WDPCP: variants seen among roughly 807,000 people sequenced by gnomAD.
WDPCP encodes WD repeat containing planar cell polarity effector.
In WDPCP, 71 loss-of-function variants were observed where a neutral mutation model predicts 93.1. The ratio of observed to expected loss-of-function variants is 0.76; its 90% CI spans 0.63 to 0.93. The LOEUF (loss-of-function observed/expected upper bound fraction) is 0.93. Among genes scored for constraint, WDPCP ranks in the 40% least tolerant of loss-of-function variants. The pLI is 0.00. For synonymous variants in WDPCP, 315 were observed against 315.0 expected, an observed-to-expected ratio of 1.00 and a Z score of 0.00; for missense variants, 844 against 887.4, an observed-to-expected ratio of 0.95 and a Z score of 0.62.
intron 15 of WDPCP, among the ~76,000 whole-genome samples, chr2:63,169,727 C>G (rs997030705): frequency 6.6e-6 from 1 of 151,994 alleles, no homozygotes; most frequent in African/African-American, 2.4e-5. Flanking sequence ...TCTCCCATTC[C>G]ATTACTTTTT....
chr2:63,407,158 G>C (rs1694654724), intron 9 of WDPCP, among the ~76,000 whole-genome samples: 1 of 152,140 alleles, frequency 6.6e-6, no homozygotes, highest in South Asian at 2.1e-4. Context: ...CAGAGAGATC[G>C]AGACAGACCT....
the WDPCP span, among the ~76,000 whole-genome samples, chr2:63,836,732 T>C: frequency 1.3e-5 from 2 of 152,136 alleles, no homozygotes; most frequent in South Asian, 2.1e-4. Context: ...AACAACCTCA[T>C]GGGTGTCACC....
At chr2:63,148,764 A>C (rs1318110630) in intron 17 of WDPCP, among the ~76,000 whole-genome samples, 1 of 152,150 alleles carries the variant, frequency 6.6e-6, no homozygotes, top group African/African-American at 2.4e-5. Context: ...TAAGACAGGG[A>C]ATTTACAAGG....
chr2:63,759,180 G>A (rs549993416), intron 2 of WDPCP, among the ~76,000 whole-genome samples: 132 of 152,258 alleles, frequency 8.7e-4, no homozygotes, highest in South Asian at 2.1e-3. Flanking sequence ...TAAGGCATAA[G>A]CTTTAGGACC....
At chr2:63,706,898 G>A (rs1292124836) in intron 2 of WDPCP, among the ~76,000 whole-genome samples, 4 of 152,114 alleles carry the variant, frequency 2.6e-5, no homozygotes, top group African/African-American at 9.7e-5. Flanking sequence ...TTACAGGCAT[G>A]AGCCACCGTG....
chr2:63,268,312 G>A (rs925487842), intron 13 of WDPCP, among the ~76,000 whole-genome samples: 5 of 152,086 alleles, frequency 3.3e-5, no homozygotes, highest in African/African-American at 1.2e-4. Flanking sequence ...GACAGAGGCT[G>A]GAGGTGATAG....
chr2:63,215,148 A>G (rs984470940), intron 14 of WDPCP, among the ~76,000 whole-genome samples: 1 of 152,238 alleles, frequency 6.6e-6, no homozygotes, highest in Non-Finnish European at 1.5e-5. Flanking sequence ...GGAACCAAAA[A>G]AGAGCCCGCA....
intron 17 of WDPCP, among the ~76,000 whole-genome samples, chr2:63,127,912 C>A (rs1268236820): frequency 6.6e-6 from 1 of 151,870 alleles, no homozygotes. Flanking sequence ...GTCAAGGCGG[C>A]TGGATCACTT....
At chr2:63,425,067 T>A (rs1696167708) in intron 9 of WDPCP, among the ~76,000 whole-genome samples, 1 of 152,194 alleles carries the variant, frequency 6.6e-6, no homozygotes, top group Non-Finnish European at 1.5e-5. Context: ...TCTTCCAGTA[T>A]ACATAGCTTG....
intron 2 of WDPCP, among the ~76,000 whole-genome samples, chr2:63,736,968 C>A (rs559105293): frequency 3.3e-5 from 5 of 151,954 alleles, no homozygotes; most frequent in South Asian, 2.1e-4. Flanking sequence ...AAAAAAAAAA[C>A]CATATATTAC....
chr2:63,546,917 T>A (rs910112455), intron 1 of WDPCP, among the ~76,000 whole-genome samples: 16 of 151,340 alleles, frequency 1.1e-4, no homozygotes, highest in South Asian at 6.2e-4. Context: ...ACTATTTTTT[T>A]AAAAAAAAGA....
At chr2:63,610,748 C>T (rs1302018967) in intron 3 of WDPCP, among the ~76,000 whole-genome samples, 1 of 152,112 alleles carries the variant, frequency 6.6e-6, no homozygotes, top group Non-Finnish European at 1.5e-5. Flanking sequence ...TAAATTATAA[C>T]ACACTGTTCT....
chr2:63,267,803 A>G (rs1485953790), intron 13 of WDPCP, among the ~76,000 whole-genome samples: 1 of 152,216 alleles, frequency 6.6e-6, no homozygotes, highest in Admixed American at 6.5e-5. Flanking sequence ...AATAGCTACT[A>G]ATGTCAAAAA....
At chr2:63,371,428 A>T (rs1053322575) in intron 12 of WDPCP, among the ~76,000 whole-genome samples, 6 of 152,088 alleles carry the variant, frequency 3.9e-5, no homozygotes, top group African/African-American at 1.4e-4. Context: ...TCCATTCACT[A>T]GGTAGTTTCA....
intron 15 of WDPCP, among the ~76,000 whole-genome samples, chr2:63,165,035 T>A (rs1467940168): frequency 6.6e-6 from 1 of 152,108 alleles, no homozygotes; most frequent in Non-Finnish European, 1.5e-5. Context: ...TATTTAGTAA[T>A]TACATTAATA....
intron 14 of WDPCP, among the ~76,000 whole-genome samples, chr2:63,212,013 C>T (rs527758260): frequency 5.6e-4 from 85 of 152,270 alleles, no homozygotes; most frequent in African/African-American, 1.8e-3. Flanking sequence ...CTGAAAGTGA[C>T]AGGGAGAATG....
chr2:63,416,417 C>G (rs186399487), intron 9 of WDPCP, among the ~76,000 whole-genome samples: 1 of 152,106 alleles, frequency 6.6e-6, no homozygotes, highest in African/African-American at 2.4e-5. Flanking sequence ...CCCAGCTGGT[C>G]TCGAACTCTT....
At chr2:63,355,744 T>C (rs564499103) in intron 12 of WDPCP, among the ~76,000 whole-genome samples, 6 of 152,058 alleles carry the variant, frequency 3.9e-5, no homozygotes, top group Non-Finnish European at 2.9e-5. Context: ...AAAAATTAGC[T>C]GGGCATGGTG....
intron 15 of WDPCP, among the ~76,000 whole-genome samples, chr2:63,160,365 A>G (rs1404229467): frequency 2.0e-5 from 3 of 152,258 alleles, no homozygotes; most frequent in Non-Finnish European, 4.4e-5. Context: ...TTATATTACA[A>G]AAATGAAATT....
Sources: gnomAD v4.1 joint callset for allele counts (sites outside exome capture counted in the v4.1 genomes callset) on GRCh38, gnomAD v4.1.1 for gene constraint, MANE v1.5 for transcripts, NCBI Gene and HGNC (gene_info 2026-07-23, HGNC 2026-07-21) for gene names.